Variants in NSUN3 observed in about 807,000 individuals in gnomAD.
The protein encoded by NSUN3 is NOP2/Sun RNA methyltransferase 3, also known as tRNA (cytosine(34)-C(5))-methyltransferase, mitochondrial.
Under a neutral mutation model 36.8 loss-of-function variants are expected in NSUN3, and 24 were observed. That is an observed-to-expected ratio of 0.65 (90% CI 0.47 to 0.92). NSUN3 has a LOEUF of 0.92. NSUN3 is among the 40% of genes least tolerant of loss of function. The pLI is 0.00. For synonymous variants in NSUN3, 146 were observed against 145.2 expected (o/e 1.01, Z -0.04); for missense variants, 381 against 392.8 (o/e 0.97, Z 0.25).
At chr3:94,070,552 C>G (rs904050951) in intron 2 of NSUN3, among the ~76,000 whole-genome samples, 1 of 152,180 alleles carries the variant, frequency 6.6e-6, no homozygotes. Flanking sequence ...GGTATGTAGG[C>G]TCAGGCAAGT....
In NSUN3 at chr3:94,128,107, C is replaced by T. The variant is rs535196227; in HGVS notation, c.*1617C>T. On this transcript the variant is annotated 3_prime_UTR_variant, in exon 6 of 6. Transcript: ENST00000314622. Reference sequence around the variant, plus strand: ...GGCATGGTGGCTGGCACCAGCAATCCCAGCTACTTAGGAGGCTGAGGCAGG... The same window carrying T: ...GGCATGGTGGCTGGCACCAGCAATCTCAGCTACTTAGGAGGCTGAGGCAGG... 31 of 152,166 alleles carry T rather than the reference C, an allele frequency of 2.0e-4. No individual in the cohort carries two copies. The highest frequency in any genetic ancestry group is 1.6e-3 in the Admixed American group (25 of 15,274). The allele number at this position is 152,166 out of a possible 1,614,324, so 9.4% of individuals were successfully genotyped here.
chr3:94,067,387 T>C (rs2077209184), intron 2 of NSUN3, among the ~76,000 whole-genome samples: 1 of 152,232 alleles, frequency 6.6e-6, no homozygotes, highest in South Asian at 2.1e-4. Flanking sequence ...ACTGTGATTA[T>C]AACAGCTTTC....
chr3:94,101,041 C>T (rs953968651), intron 5 of NSUN3, among the ~76,000 whole-genome samples: 4 of 151,948 alleles, frequency 2.6e-5, no homozygotes, highest in South Asian at 2.1e-4. Context: ...CAGGCTAAAG[C>T]GCAGCAGTGG....
intron 5 of NSUN3, among the ~76,000 whole-genome samples, chr3:94,102,414 T>G (rs2077369867): frequency 6.6e-6 from 1 of 152,134 alleles, no homozygotes; most frequent in African/African-American, 2.4e-5. Flanking sequence ...TATGTATATG[T>G]TTTCTTTTTA....
intron 5 of NSUN3, among the ~76,000 whole-genome samples, chr3:94,107,800 A>C (rs916028777): frequency 1.3e-5 from 2 of 152,124 alleles, no homozygotes; most frequent in African/African-American, 4.8e-5. Context: ...TACTTTAAAA[A>C]GGTTACCAAA....
intron 5 of NSUN3, among the ~76,000 whole-genome samples, chr3:94,121,215 A>G (rs2077459863): frequency 6.6e-6 from 1 of 152,112 alleles, no homozygotes; most frequent in African/African-American, 2.4e-5. Flanking sequence ...GTGCTAAGGG[A>G]AAATCTGTTT....
At chr3:94,098,400 C>T (rs560952314) in intron 5 of NSUN3, among the ~76,000 whole-genome samples, 84 of 152,244 alleles carry the variant, frequency 5.5e-4, no homozygotes, top group Admixed American at 1.2e-3. Context: ...GTGACACATC[C>T]GAAATGAAAA....
At position 94,123,374 on chromosome 3, in the gene NSUN3, A is replaced by T. The variant is rs141699634; in HGVS notation, c.744-2837A>T. Among the ~76,000 whole-genome samples the T allele has an allele frequency of 4.5e-3, 682 of 152,278 alleles. 4 individuals are homozygous for T. Among genetic ancestry groups the T allele is most frequent in the African/African-American group, 0.014 (573 of 41,556 alleles). ...ATCTGCAAGTTTCTGGATTCTTGCT[A>T]CATATTTATTTTATGAGTTGGCTGC... On this transcript the variant is annotated intron_variant, in intron 5 of 5. Transcript: ENST00000314622.
At chr3:94,079,387 A>G (rs1419667456) in intron 2 of NSUN3, among the ~76,000 whole-genome samples, 1 of 152,076 alleles carries the variant, frequency 6.6e-6, no homozygotes. Flanking sequence ...AACCTTGGTA[A>G]TCTGACAATT....
intron 2 of NSUN3, among the ~76,000 whole-genome samples, chr3:94,079,601 A>G (rs2077260083): frequency 6.6e-6 from 1 of 151,854 alleles, no homozygotes; most frequent in Non-Finnish European, 1.5e-5. Flanking sequence ...ATAGTCCCAT[A>G]TTTCTTGGAG....
At chr3:94,121,184 AG>A (rs2077459759) in intron 5 of NSUN3, among the ~76,000 whole-genome samples, 1 of 152,162 alleles carries the variant, frequency 6.6e-6, no homozygotes, top group African/African-American at 2.4e-5. Context: ...AGATGCTGGC[AG>A]AGATGTGTTC....
At chr3:94,075,685 T>C (rs573535185) in intron 2 of NSUN3, among the ~76,000 whole-genome samples, 1 of 152,148 alleles carries the variant, frequency 6.6e-6, no homozygotes, top group Admixed American at 6.5e-5. Flanking sequence ...ACTAGAAAAT[T>C]CCTGAAGAAA....
At chr3:94,091,462 G>A (rs2077314820) in intron 3 of NSUN3, among the ~76,000 whole-genome samples, 2 of 152,158 alleles carry the variant, frequency 1.3e-5, no homozygotes, top group South Asian at 4.2e-4. Context: ...GCAAAGGTGG[G>A]ATATTATGTG....
intron 2 of NSUN3, chr3:94,077,169 A>G (rs1470546411): frequency 2.8e-6 from 2 of 714,114 alleles, no homozygotes; most frequent in Non-Finnish European, 5.2e-6. Flanking sequence ...CTTCCTTGTC[A>G]GTCATGGAGG....
intron 2 of NSUN3, among the ~76,000 whole-genome samples, chr3:94,078,894 C>T (rs1156451908): frequency 6.6e-6 from 1 of 152,092 alleles, no homozygotes; most frequent in Non-Finnish European, 1.5e-5. Context: ...TCCAATTTGC[C>T]AGTCTGTGTC....
chr3:94,122,123 C>T (rs1332837391), intron 5 of NSUN3, among the ~76,000 whole-genome samples: 1 of 128,632 alleles, frequency 7.8e-6, no homozygotes, highest in Non-Finnish European at 1.6e-5. Context: ...CCAGTCTTGG[C>T]AACAAGAGCA....
At chr3:94,109,206 C>T (rs377399263) in intron 5 of NSUN3, among the ~76,000 whole-genome samples, 8 of 152,256 alleles carry the variant, frequency 5.3e-5, no homozygotes, top group East Asian at 3.9e-4. Context: ...ACTACAAGCT[C>T]ATTCACCTAG....
At chr3:94,066,081 CT>C (rs762939692) in intron 2 of NSUN3, among the ~76,000 whole-genome samples, 62 of 143,802 alleles carry the variant, frequency 4.3e-4, no homozygotes, top group African/African-American at 8.1e-4. Context: ...TTTCAAGAGG[CT>C]TTTTTTTTTT....
rs2077504928 is a variant in NSUN3, at chr3:94,130,390, T to C, written c.*3900T>C. On this transcript the variant is annotated 3_prime_UTR_variant, in exon 6 of 6. Coordinates refer to ENST00000314622, the MANE Select transcript of NSUN3 (RefSeq NM_022072.5). ...ATGAGAATACTTTTACCAAAGATAA[T>C]GAAATCTTGCATAATGTCTGCATTT... 6.6e-6 allele frequency among the ~76,000 whole-genome samples: 1 copy of C among 152,186 alleles called. No individual in the cohort carries two copies. The highest frequency in any genetic ancestry group is 6.5e-5 in the Admixed American group (1 of 15,274).
Sources: allele counts gnomAD v4.1 joint callset (sites outside exome capture counted in the v4.1 genomes callset), GRCh38; gene constraint gnomAD v4.1.1; transcripts MANE v1.5; gene names NCBI Gene and HGNC (gene_info 2026-07-23, HGNC 2026-07-21).